C2orf42: variants seen among roughly 807,000 people sequenced by gnomAD.
The protein encoded by C2orf42 is uncharacterized protein C2orf42.
A neutral mutation model predicts 58.9 loss-of-function variants in C2orf42; 44 were observed. The observed-to-expected ratio is 0.75, with a 90% CI of 0.59 to 0.96. The LOEUF is 0.96. C2orf42 is among the 40% of genes least tolerant of loss of function. The pLI is 0.00. For synonymous variants in C2orf42, 239 were observed against 265.4 expected, an observed-to-expected ratio of 0.90 and a Z score of 0.97; for missense variants, 630 against 699.2, an observed-to-expected ratio of 0.90 and a Z score of 1.12.
chr2:70,184,423 C>T (rs1216931549), intron 1 of C2orf42, among the ~76,000 whole-genome samples: 2 of 151,138 alleles, frequency 1.3e-5, no homozygotes, highest in South Asian at 2.1e-4. Context: ...GTGATCTGCC[C>T]GCCTTGGCCT....
chr2:70,189,672 C>G (rs1249587703), intron 1 of C2orf42, among the ~76,000 whole-genome samples: 1 of 146,544 alleles, frequency 6.8e-6, no homozygotes, highest in Non-Finnish European at 1.5e-5. Flanking sequence ...GAGCCGAGAT[C>G]GTGCCACTGC....
chr2:70,190,828 C>G (rs1675309535), intron 1 of C2orf42, 145 bp downstream of exon 1: 1 of 152,488 alleles, frequency 6.6e-6, no homozygotes, highest in Admixed American at 6.6e-5. Context: ...CGCCGGCAGC[C>G]GCTCCTTGGA....
At chr2:70,190,584 A>AAGTGGGAG (rs1202839880) in intron 1 of C2orf42, 1 of 152,094 alleles carries the variant, frequency 6.6e-6, no homozygotes, top group Non-Finnish European at 1.5e-5. Flanking sequence ...GCCAAACCAC[A>AAGTGGGAG]AGTGGGAGGA....
intron 5 of C2orf42, among the ~76,000 whole-genome samples, chr2:70,170,132 C>G (rs566591805): frequency 6.6e-6 from 1 of 151,104 alleles, no homozygotes; most frequent in Admixed American, 6.6e-5. Flanking sequence ...AGCAATCCAC[C>G]TGCCTCAGCC....
chr2:70,155,809 G>GA (rs72000944), intron 9 of C2orf42, among the ~76,000 whole-genome samples: 19 of 141,290 alleles, frequency 1.3e-4, no homozygotes, highest in South Asian at 2.3e-4. Context: ...CAAAAAAAAA[G>GA]AAAAAAAAAA....
In C2orf42 at chr2:70,161,077, G is replaced by A. The variant is rs1215560430; in HGVS notation, c.1354-290C>T. 1.3e-4 allele frequency among the ~76,000 whole-genome samples: 20 copies of A among 152,240 alleles called. No homozygotes were observed. In the East Asian group the frequency reaches 3.9e-3, roughly 29 times the overall value. On this transcript the variant is annotated intron_variant, in intron 8 of 9. Coordinates refer to ENST00000264434, the MANE Select transcript of C2orf42 (RefSeq NM_017880.3). ...TGGGTACATGACTGCTGCTGGCACA[G>A]ACCTGCTCTAAAATCAGTTTCATTC...
At position 70,183,861 on chromosome 2, in the gene C2orf42, A is replaced by T. The variant is rs538103345; in HGVS notation, c.-281-926T>A. ...TGCTCTCTTACCCAGGCTGGAGTGC[A>T]GTGGTGTGATCACAGCTTACTGCAG... On this transcript the variant is annotated intron_variant, in intron 1 of 9. Transcript: ENST00000264434. Among the ~76,000 whole-genome samples the T allele has an allele frequency of 2.2e-4, 34 of 152,182 alleles. 2 individuals carry two copies. The highest frequency in any genetic ancestry group is 8.2e-4 in the African/African-American group (34 of 41,532).
Position 70,181,147 on chromosome 2 carries a change from C to A in C2orf42, c.823+16G>T, listed in dbSNP as rs1274341646. 1 of 1,469,124 alleles carries A rather than the reference C, an allele frequency of 6.8e-7. No individual in the cohort carries two copies. The highest frequency in any genetic ancestry group is 2.3e-5 in the East Asian group (1 of 43,706). The allele number at this position is 1,469,124 out of a possible 1,614,324, so 91.0% of individuals were successfully genotyped here. ...TTTTAGAAAAACGTAATAACCACAT[C>A]AACCATACCACCTACCGCTGGAATC... On this transcript the variant is annotated intron_variant, in intron 3 of 9. Transcript: ENST00000264434.
chr2:70,183,786 A>C (rs1182316679), intron 1 of C2orf42, among the ~76,000 whole-genome samples: 1 of 150,740 alleles, frequency 6.6e-6, no homozygotes. Flanking sequence ...TCAATAACTC[A>C]TCCTTCCTAA....
chr2:70,175,948 T>C (rs1191033203), intron 4 of C2orf42, among the ~76,000 whole-genome samples, 171 bp from the exon 5 acceptor site: 3 of 152,222 alleles, frequency 2.0e-5, no homozygotes, highest in Non-Finnish European at 4.4e-5. Flanking sequence ...AGCTTTCTTA[T>C]GCTCTTTATA....
chr2:70,170,905 G>A (rs566726981), intron 5 of C2orf42, among the ~76,000 whole-genome samples: 2 of 152,128 alleles, frequency 1.3e-5, no homozygotes, highest in Admixed American at 6.6e-5. Flanking sequence ...CATGAGGTCA[G>A]GAGATCGAGA....
intron 1 of C2orf42, among the ~76,000 whole-genome samples, chr2:70,189,925 G>C (rs999579836): frequency 6.6e-6 from 1 of 150,500 alleles, no homozygotes; most frequent in Non-Finnish European, 1.5e-5. Context: ...TGCTATTCTT[G>C]GTTTTACTCT....
chr2:70,189,041 G>A (rs1204554699), intron 1 of C2orf42, among the ~76,000 whole-genome samples: 1 of 152,014 alleles, frequency 6.6e-6, no homozygotes, highest in Admixed American at 6.6e-5. Context: ...GAAGATACTG[G>A]TGTAATTAAT....
intron 9 of C2orf42, among the ~76,000 whole-genome samples, chr2:70,154,301 G>A (rs1173888046): frequency 6.6e-6 from 1 of 150,962 alleles, no homozygotes; most frequent in East Asian, 1.9e-4. Context: ...AGTGGCTCAT[G>A]CCTGTAATCC....
At chr2:70,152,615 A>G (rs1284394962) in intron 9 of C2orf42, among the ~76,000 whole-genome samples, 1 of 152,186 alleles carries the variant, frequency 6.6e-6, no homozygotes, top group African/African-American at 2.4e-5. Context: ...TAGTACTTGT[A>G]CAGAGCAGCA....
chr2:70,154,041 A>G (rs984006240), intron 9 of C2orf42, among the ~76,000 whole-genome samples: 1 of 149,462 alleles, frequency 6.7e-6, no homozygotes, highest in Non-Finnish European at 1.5e-5. Flanking sequence ...TGACAGAGCA[A>G]GACTCTGTCT....
Position 70,187,192 on chromosome 2 carries a change from A to C in C2orf42, c.-282+3781T>G, listed in dbSNP as rs1401801374. On this transcript the variant is annotated intron_variant, in intron 1 of 9. Transcript: ENST00000264434. Reference sequence around the variant, plus strand: ...TGCCAGCTGTTGGTGCTGTAGCTTTAGCATAGGAATAGCTGTAGCATCAAC... The same window carrying C: ...TGCCAGCTGTTGGTGCTGTAGCTTTCGCATAGGAATAGCTGTAGCATCAAC... Among the ~76,000 whole-genome samples, 3 of 152,126 alleles carry C rather than the reference A, an allele frequency of 2.0e-5. No homozygotes were observed. The East Asian group carries it at 5.8e-4, about 29-fold the overall frequency.
chr2:70,150,847 G>A (rs1672264382), intron 9 of C2orf42, among the ~76,000 whole-genome samples: 1 of 152,214 alleles, frequency 6.6e-6, no homozygotes, highest in African/African-American at 2.4e-5. Context: ...CCGGGTTCAA[G>A]CGATTCTCCT....
intron 5 of C2orf42, among the ~76,000 whole-genome samples, chr2:70,172,223 C>CAAAA (rs1171174664): frequency 1.7e-5 from 1 of 58,198 alleles, no homozygotes; most frequent in African/African-American, 5.3e-5. Flanking sequence ...GACTCTGTCT[C>CAAAA]AAAAAAAAAA....
Sources: gnomAD v4.1 joint callset for allele counts (sites outside exome capture counted in the v4.1 genomes callset) on GRCh38, gnomAD v4.1.1 for gene constraint, MANE v1.5 for transcripts, NCBI Gene and HGNC (gene_info 2026-07-23, HGNC 2026-07-21) for gene names.